The following SBF2 variants were observed in gnomAD, a reference collection of about 807,000 sequenced individuals.
SBF2 encodes myotubularin-related protein 13.
A neutral mutation model predicts 225.2 loss-of-function variants in SBF2; 112 were observed. The ratio of observed to expected loss-of-function variants is 0.50; its 90% confidence interval spans 0.43 to 0.58. The LOEUF (loss-of-function observed/expected upper bound fraction) is 0.58. SBF2 is among the 20% of genes least tolerant of loss of function. The pLI, the probability that SBF2 is intolerant of heterozygous loss-of-function variation, is 0.00. For synonymous variants in SBF2, 763 were observed against 773.3 expected, an observed-to-expected ratio of 0.99 and a Z score of 0.22; for missense variants, 1,996 against 2,206.2, an observed-to-expected ratio of 0.90 and a Z score of 1.91.
At chr11:9,954,524 T>C (rs764864722) in intron 16 of SBF2, among the ~76,000 whole-genome samples, 1 of 152,196 alleles carries the variant, frequency 6.6e-6, no homozygotes, top group African/African-American at 2.4e-5. Flanking sequence ...AGGGCCTCTA[T>C]ACAACGTTCA....
At chr11:10,070,731 A>C (rs1468164400) in intron 2 of SBF2, among the ~76,000 whole-genome samples, 1 of 152,138 alleles carries the variant, frequency 6.6e-6, no homozygotes. Context: ...ATGGAATTGA[A>C]TCTATAGATT....
chr11:10,007,563 C>A (rs927380681), intron 6 of SBF2, among the ~76,000 whole-genome samples: 1 of 152,162 alleles, frequency 6.6e-6, no homozygotes, highest in African/African-American at 2.4e-5. Flanking sequence ...TGAAACAACC[C>A]TGACCTTTGT....
rs552684559 is a variant in SBF2, at chr11:10,232,947, T to C, written c.56-38960A>G. Among the ~76,000 whole-genome samples, 40 of 152,330 alleles carry C rather than the reference T, an allele frequency of 2.6e-4. No homozygotes were observed. The East Asian group carries it at 6.2e-3, about 23-fold the overall frequency. On this transcript the variant is annotated intron_variant, in intron 1 of 39. Transcript: ENST00000256190. ...GATAGGGAGTGATAAATTTGTGCTG[T>C]TTCATTCAGGAAAACCAAGAGTACA...
At chr11:10,184,383 A>T (rs1342360620) in intron 2 of SBF2, among the ~76,000 whole-genome samples, 1 of 152,184 alleles carries the variant, frequency 6.6e-6, no homozygotes, top group Non-Finnish European at 1.5e-5. Context: ...GCTACTTGCT[A>T]TAAAATATGC....
At chr11:10,054,051 A>G (rs546068008) in intron 2 of SBF2, among the ~76,000 whole-genome samples, 1 of 152,314 alleles carries the variant, frequency 6.6e-6, no homozygotes, top group Non-Finnish European at 1.5e-5. Flanking sequence ...TATAGGCCCA[A>G]TTTTAATAAG....
chr11:10,094,344 T>C (rs1951918213), intron 2 of SBF2, among the ~76,000 whole-genome samples: 1 of 152,030 alleles, frequency 6.6e-6, no homozygotes, highest in African/African-American at 2.4e-5. Flanking sequence ...TGTATATATA[T>C]ATTAACTTTT....
At chr11:10,273,440 C>G (rs1197654218) in intron 1 of SBF2, among the ~76,000 whole-genome samples, 1 of 152,118 alleles carries the variant, frequency 6.6e-6, no homozygotes, top group Non-Finnish European at 1.5e-5. Context: ...TACAATGAAT[C>G]AATTAAAAAT....
rs1189380771 is a variant in SBF2 at position 9,808,976 on chromosome 11, C to T, written c.4182G>A (p.Val1394=). The T allele has an allele frequency of 3.7e-6, 6 of 1,613,980 alleles. No homozygotes were observed. Among genetic ancestry groups the T allele is most frequent in the Non-Finnish European group, 5.1e-6 (6 of 1,179,896 alleles). ...PQLHRIMQLA[V]VVSEVLENGS... is the part of the protein sequence containing the mutation. The stretch of plus-strand genomic sequence containing the variant: ...CATTCTCAAGTACTTCTGATACAAC[C>T]ACAGCCAGCTGCATTATCCTGTGAA... Residue 1394 remains valine (V), a synonymous_variant, in exon 31 of 40, where the codon GTG becomes GTA. Transcript: ENST00000256190.
At chr11:9,935,763 G>A (rs1038731595) in intron 16 of SBF2, among the ~76,000 whole-genome samples, 7 of 152,160 alleles carry the variant, frequency 4.6e-5, no homozygotes, top group African/African-American at 1.7e-4. Flanking sequence ...TATGTAGAAA[G>A]CTGAAACTGG....
chr11:10,187,909 C>T (rs1274448530), intron 2 of SBF2, among the ~76,000 whole-genome samples: 1 of 152,114 alleles, frequency 6.6e-6, no homozygotes, highest in African/African-American at 2.4e-5. Flanking sequence ...TAAATCCCTG[C>T]AATGTGCGTG....
intron 2 of SBF2, among the ~76,000 whole-genome samples, chr11:10,156,548 A>G (rs1047726871): frequency 2.6e-5 from 4 of 152,208 alleles, no homozygotes; most frequent in Admixed American, 2.0e-4. Context: ...TGGGGCTCAG[A>G]GTGAGAACTT....
At chr11:9,935,294 G>A (rs573056988) in intron 16 of SBF2, among the ~76,000 whole-genome samples, 5 of 152,110 alleles carry the variant, frequency 3.3e-5, no homozygotes, top group Non-Finnish European at 7.3e-5. Flanking sequence ...ATTGCTCAAC[G>A]AAATAAAAGA....
intron 6 of SBF2, among the ~76,000 whole-genome samples, chr11:10,004,105 T>G (rs1948087753): frequency 6.6e-6 from 1 of 152,210 alleles, no homozygotes; most frequent in African/African-American, 2.4e-5. Flanking sequence ...TCATTTTCAC[T>G]AATGTAATAG....
intron 16 of SBF2, among the ~76,000 whole-genome samples, chr11:9,941,930 T>C (rs1485546267): frequency 6.6e-6 from 1 of 152,186 alleles, no homozygotes; most frequent in Middle Eastern, 3.2e-3. Flanking sequence ...TATTAATAGA[T>C]AAGTTTACTG....
intron 16 of SBF2, chr11:9,959,123 A>G (rs1004400879): frequency 1.5e-5 from 16 of 1,076,398 alleles, no homozygotes; most frequent in Non-Finnish European, 2.2e-5. Flanking sequence ...AAGTCTTCAC[A>G]TACACGATGT....
intron 32 of SBF2, among the ~76,000 whole-genome samples, chr11:9,797,159 G>A (rs1369455168): frequency 2.6e-5 from 4 of 152,146 alleles, no homozygotes; most frequent in Admixed American, 2.0e-4. Flanking sequence ...TTGGCAATAC[G>A]GACCTGTACT....
chr11:9,856,474 T>C lies in SBF2; in HGVS notation c.2347A>G (p.Ser783Gly). ...APGDWESGSN[S>G]IVTNSIAGSV... ...TTTTGGTACCTGTTTGTGACAATGCTGTTGCTTCCGCTCTCCCAGTCACCT... is the reference window on the plus strand; with the variant it reads ...TTTTGGTACCTGTTTGTGACAATGCCGTTGCTTCCGCTCTCCCAGTCACCT... The change falls in exon 19 of 40, where the codon AGC becomes GGC. Residue 783 changes from serine to glycine, a missense_variant. Physicochemically the swap from Ser to Gly is moderately conservative, Grantham distance 56. Coordinates refer to ENST00000256190, the MANE Select transcript of SBF2 (RefSeq NM_030962.4). The C allele has an allele frequency of 1.2e-6, 2 of 1,614,058 alleles. No homozygotes were observed. Among genetic ancestry groups the C allele is most frequent in the East Asian group, 4.5e-5 (2 of 44,888 alleles).
intron 1 of SBF2, among the ~76,000 whole-genome samples, chr11:10,282,877 CAG>C (rs1462223479): frequency 6.6e-6 from 1 of 152,144 alleles, no homozygotes. Context: ...GCCTGATATA[CAG>C]AGCTTTTCAC....
At chr11:10,282,113 A>AT (rs1272983896) in intron 1 of SBF2, among the ~76,000 whole-genome samples, 1 of 152,128 alleles carries the variant, frequency 6.6e-6, no homozygotes, top group Non-Finnish European at 1.5e-5. Context: ...CCATAAGCCT[A>AT]TTTTTAGTCC....
Sources: gnomAD v4.1 joint callset for allele counts (sites outside exome capture counted in the v4.1 genomes callset) on GRCh38, gnomAD v4.1.1 for gene constraint, MANE v1.5 for transcripts, NCBI Gene and HGNC (gene_info 2026-07-23, HGNC 2026-07-21) for gene names.